Variants in LUZP2 observed in about 807,000 individuals in gnomAD.
LUZP2 encodes leucine zipper protein 2.
A neutral mutation model predicts 51.6 loss-of-function variants in LUZP2; 52 were observed. The ratio of observed to expected loss-of-function variants is 1.01; its 90% CI spans 0.81 to 1.27. The LOEUF (loss-of-function observed/expected upper bound fraction) is 1.27. Among genes scored for constraint, LUZP2 ranks in the 50% most tolerant of loss-of-function variants. LUZP2 has a pLI of 0.00. For missense variants in LUZP2, 436 were observed against 395.4 expected (o/e 1.10, Z -0.87); for synonymous variants, 154 against 137.3 (o/e 1.12, Z -0.85).
At chr11:24,989,848 G>A (rs1461459781) in intron 9 of LUZP2, among the ~76,000 whole-genome samples, 1 of 152,092 alleles carries the variant, frequency 6.6e-6, no homozygotes, top group Non-Finnish European at 1.5e-5. Context: ...TTAAACTAAG[G>A]TCTGGTAGTT....
chr11:24,745,712 C>T (rs1283340696), intron 4 of LUZP2, among the ~76,000 whole-genome samples: 2 of 152,094 alleles, frequency 1.3e-5, no homozygotes, highest in South Asian at 2.1e-4. Flanking sequence ...GAGTCTTGCT[C>T]TGTCACCCAG....
chr11:24,544,319 T>C (rs1206615210), intron 1 of LUZP2, among the ~76,000 whole-genome samples: 1 of 152,060 alleles, frequency 6.6e-6, no homozygotes, highest in Non-Finnish European at 1.5e-5. Context: ...GAGGTACATG[T>C]GCAGGTTTGT....
rs766421606 is a variant in LUZP2 at position 24,914,477 on chromosome 11, C to CA, written c.469dup (p.Ile157AsnfsTer18). 1.8e-5 allele frequency: 29 copies of CA among 1,600,648 alleles called. No individual in the cohort carries two copies. Among genetic ancestry groups the CA allele is most frequent in the Admixed American group, 7.0e-5 (4 of 57,424 alleles). Reference sequence around the variant, plus strand: ...CTTATCCATGTTTTTGCCTTACAGTCAAAAAAAATCCAAGCCCAGCTGAAG... The same window carrying CA: ...CTTATCCATGTTTTTGCCTTACAGTCAAAAAAAAATCCAAGCCCAGCTGAAG... On this transcript the variant is annotated frameshift_variant and splice_region_variant, in exon 7 of 12. Coordinates refer to ENST00000336930, the MANE Select transcript of LUZP2 (RefSeq NM_001009909.4). LOFTEE classifies it high-confidence loss of function.
intron 7 of LUZP2, among the ~76,000 whole-genome samples, chr11:24,933,515 C>G (rs1854511699): frequency 6.6e-6 from 1 of 152,176 alleles, no homozygotes; most frequent in African/African-American, 2.4e-5. Flanking sequence ...TATTATCTAT[C>G]AGGCACTGAG....
intron 1 of LUZP2, among the ~76,000 whole-genome samples, chr11:24,646,313 A>G (rs1318197703): frequency 6.6e-6 from 1 of 152,074 alleles, no homozygotes; most frequent in Non-Finnish European, 1.5e-5. Flanking sequence ...CAGTTTTATT[A>G]TTGTTCAAAA....
At chr11:24,829,289 C>T (rs554689583) in intron 5 of LUZP2, among the ~76,000 whole-genome samples, 1 of 152,016 alleles carries the variant, frequency 6.6e-6, no homozygotes, top group South Asian at 2.1e-4. Context: ...GGGCAGGGGT[C>T]ATTACAAAAT....
At chr11:24,882,906 AAAGAAAG>A (rs1406756257) in intron 5 of LUZP2, among the ~76,000 whole-genome samples, 30 of 137,210 alleles carry the variant, frequency 2.2e-4, no homozygotes, top group African/African-American at 1.1e-3. Context: ...AAAGAAAGAG[AAAGAAAG>A]AAGAAAGAAA....
At chr11:24,612,742 A>G (rs1565028679) in intron 1 of LUZP2, among the ~76,000 whole-genome samples, 1 of 152,108 alleles carries the variant, frequency 6.6e-6, no homozygotes, top group South Asian at 2.1e-4. Flanking sequence ...TTTTCTTTAC[A>G]TGATTAGTTG....
chr11:24,842,022 G>T (rs568012488), intron 5 of LUZP2, among the ~76,000 whole-genome samples: 33 of 151,636 alleles, frequency 2.2e-4, no homozygotes, highest in Admixed American at 1.9e-3. Context: ...ATTATCTAAG[G>T]TATTGTTAAG....
At chr11:24,920,568 A>G (rs1477549939) in intron 7 of LUZP2, among the ~76,000 whole-genome samples, 1 of 152,112 alleles carries the variant, frequency 6.6e-6, no homozygotes, top group Non-Finnish European at 1.5e-5. Flanking sequence ...TGATAAAGAA[A>G]TGTGGCATAT....
At chr11:25,030,937 AT>A (rs1857643998) in intron 9 of LUZP2, among the ~76,000 whole-genome samples, 1 of 1,200 alleles carries the variant, frequency 8.3e-4, no homozygotes, top group East Asian at 0.036. Flanking sequence ...TATAATATAT[AT>A]TATATATATT....
intron 1 of LUZP2, among the ~76,000 whole-genome samples, chr11:24,671,865 A>G (rs1294577090): frequency 2.0e-5 from 3 of 152,154 alleles, no homozygotes; most frequent in Non-Finnish European, 4.4e-5. Flanking sequence ...CGGGATAAAT[A>G]TTTTAATTTA....
intron 5 of LUZP2, among the ~76,000 whole-genome samples, chr11:24,816,951 T>C (rs1850201979): frequency 6.6e-6 from 1 of 152,108 alleles, no homozygotes; most frequent in South Asian, 2.1e-4. Flanking sequence ...TTTTTAATGT[T>C]CCATTACATA....
intron 5 of LUZP2, among the ~76,000 whole-genome samples, chr11:24,878,106 T>TG (rs1258554930): frequency 6.6e-6 from 1 of 150,490 alleles, no homozygotes; most frequent in Non-Finnish European, 1.5e-5. Context: ...CTGTGTTTTT[T>TG]TTTTTTTTTT....
intron 1 of LUZP2, among the ~76,000 whole-genome samples, chr11:24,659,249 T>G (rs1214986325): frequency 1.3e-5 from 2 of 152,074 alleles, no homozygotes; most frequent in Admixed American, 6.6e-5. Context: ...CCATAAAAAA[T>G]GATGAGTTCA....
At chr11:24,838,387 A>G (rs947306135) in intron 5 of LUZP2, among the ~76,000 whole-genome samples, 1 of 151,684 alleles carries the variant, frequency 6.6e-6, no homozygotes, top group African/African-American at 2.4e-5. Context: ...AGATACATTT[A>G]GACTCAAATA....
chr11:25,018,808 A>T (rs1456121768), intron 9 of LUZP2, among the ~76,000 whole-genome samples: 1 of 151,994 alleles, frequency 6.6e-6, no homozygotes, highest in African/African-American at 2.4e-5. Context: ...GGGTTTTGCC[A>T]TGTTGGCCAG....
intron 9 of LUZP2, among the ~76,000 whole-genome samples, chr11:25,026,256 T>C (rs2896722): frequency 0.57 from 86,580 of 151,512 alleles, 26,032 homozygotes; most frequent in African/African-American, 0.75. Flanking sequence ...CAAACCTGCA[T>C]GTTGTGCACA....
intron 1 of LUZP2, among the ~76,000 whole-genome samples, chr11:24,555,918 T>C (rs2133758753): frequency 6.6e-6 from 1 of 152,178 alleles, no homozygotes; most frequent in Admixed American, 6.5e-5. Context: ...GTCAAGGCTT[T>C]AGTGAGCCAT....
Sources: gnomAD v4.1 joint callset for allele counts (sites outside exome capture counted in the v4.1 genomes callset) on GRCh38, gnomAD v4.1.1 for gene constraint, MANE v1.5 for transcripts, NCBI Gene and HGNC (gene_info 2026-07-23, HGNC 2026-07-21) for gene names.